The following MAF variants were observed in gnomAD, a reference collection of about 807,000 sequenced individuals.
MAF encodes MAF bZIP transcription factor, also known as transcription factor Maf.
MAF carries 10 observed loss-of-function variants against 22.0 expected under a neutral mutation model. The observed-to-expected ratio is 0.45, with a 90% confidence interval of 0.28 to 0.77. The LOEUF is 0.77. Among genes scored for constraint, MAF ranks in the 30% least tolerant of loss-of-function variants. The probability of loss-of-function intolerance (pLI) is 0.12; values close to 1 mark genes in which losing one functional copy is unlikely to be tolerated. For synonymous variants in MAF, 337 were observed against 255.8 expected (o/e 1.32, Z -3.03); for missense variants, 544 against 548.4 (o/e 0.99, Z 0.08).
chr16:79,341,021 C>G, the MAF span, among the ~76,000 whole-genome samples: 1 of 152,118 alleles, frequency 6.6e-6, no homozygotes, highest in Non-Finnish European at 1.5e-5. Flanking sequence ...TGGAGAAGAG[C>G]CTTCCAGGCA....
chr16:79,446,789 G>C, the MAF span, among the ~76,000 whole-genome samples: 1 of 151,892 alleles, frequency 6.6e-6, no homozygotes, highest in East Asian at 1.9e-4. Context: ...AGCACCTCTA[G>C]TCCCAGCTAC....
At chr16:79,380,510 G>A in the MAF span, among the ~76,000 whole-genome samples, 1 of 152,168 alleles carries the variant, frequency 6.6e-6, no homozygotes, top group Admixed American at 6.5e-5. Context: ...GAAGGATTAA[G>A]TAATTTTCCC....
chr16:79,307,556 A>T, the MAF span, among the ~76,000 whole-genome samples: 2 of 152,360 alleles, frequency 1.3e-5, no homozygotes, highest in Admixed American at 1.3e-4. Flanking sequence ...ATGATGGGCG[A>T]TAAAATGAGA....
chr16:79,312,077 T>A, the MAF span, among the ~76,000 whole-genome samples: 1 of 152,140 alleles, frequency 6.6e-6, no homozygotes, highest in East Asian at 1.9e-4. Context: ...CTTCTCTGCC[T>A]CCTTCCCTCC....
chr16:79,328,305 G>C, the MAF span, among the ~76,000 whole-genome samples: 5 of 151,812 alleles, frequency 3.3e-5, no homozygotes, highest in South Asian at 2.1e-4. Context: ...AAAGAAATCA[G>C]GTTCTGCATT....
chr16:79,229,671 G>C, the MAF span, among the ~76,000 whole-genome samples: 1 of 152,028 alleles, frequency 6.6e-6, no homozygotes, highest in Non-Finnish European at 1.5e-5. Flanking sequence ...CAAGCCAGCA[G>C]GTGCTTGAGC....
At chr16:79,258,420 G>A in the MAF span, among the ~76,000 whole-genome samples, 1 of 152,222 alleles carries the variant, frequency 6.6e-6, no homozygotes, top group East Asian at 1.9e-4. Context: ...GACAAATGGA[G>A]CTGCATCAGC....
chr16:79,440,548 G>C, the MAF span, among the ~76,000 whole-genome samples: 6 of 152,066 alleles, frequency 3.9e-5, no homozygotes, highest in Non-Finnish European at 7.4e-5. Flanking sequence ...CGATTCTCCT[G>C]CCTCACTCTC....
At chr16:79,256,424 T>C in the MAF span, among the ~76,000 whole-genome samples, 2 of 152,150 alleles carry the variant, frequency 1.3e-5, no homozygotes, top group East Asian at 3.9e-4. Context: ...TCAGGTGAGT[T>C]AGCGGGTTCG....
the MAF span, among the ~76,000 whole-genome samples, chr16:79,499,030 C>A: frequency 3.3e-5 from 5 of 152,066 alleles, no homozygotes; most frequent in Admixed American, 6.6e-5. Context: ...GAAGCCCTCC[C>A]CAGATAGACA....
the MAF span, among the ~76,000 whole-genome samples, chr16:79,250,271 G>A: frequency 6.6e-6 from 1 of 152,202 alleles, no homozygotes; most frequent in Non-Finnish European, 1.5e-5. Flanking sequence ...TGCAAAGGAG[G>A]CCATCCAAAC....
chr16:79,507,127 T>C, the MAF span, among the ~76,000 whole-genome samples: 2 of 151,772 alleles, frequency 1.3e-5, no homozygotes, highest in African/African-American at 2.4e-5. Flanking sequence ...TTTTTTTTTT[T>C]TTTTGAGATG....
the MAF span, among the ~76,000 whole-genome samples, chr16:79,265,947 T>C: frequency 1.3e-5 from 2 of 152,232 alleles, no homozygotes; most frequent in East Asian, 3.8e-4. Flanking sequence ...ACAGCAGGGA[T>C]ATGTTGAACA....
the MAF span, among the ~76,000 whole-genome samples, chr16:79,405,546 G>A: frequency 1.3e-3 from 193 of 152,290 alleles, no homozygotes; most frequent in African/African-American, 4.5e-3. Flanking sequence ...GTCCCAGGGA[G>A]GAAAGCATGG....
At chr16:79,338,531 T>A in the MAF span, among the ~76,000 whole-genome samples, 2 of 152,150 alleles carry the variant, frequency 1.3e-5, no homozygotes, top group East Asian at 3.8e-4. Context: ...TGAGAACAAT[T>A]TTCAAGCCAA....
the MAF span, among the ~76,000 whole-genome samples, chr16:79,349,438 C>G: frequency 9.2e-5 from 14 of 152,220 alleles, no homozygotes; most frequent in African/African-American, 2.9e-4. Context: ...CCAAATACCC[C>G]TTCTCTCTTG....
the MAF span, among the ~76,000 whole-genome samples, chr16:79,462,408 T>C: frequency 6.6e-6 from 1 of 152,194 alleles, no homozygotes; most frequent in Non-Finnish European, 1.5e-5. Flanking sequence ...TCAATATGAA[T>C]GACTACAGCA....
the MAF span, among the ~76,000 whole-genome samples, chr16:79,233,323 T>C: frequency 1.3e-5 from 2 of 151,992 alleles, no homozygotes; most frequent in East Asian, 3.9e-4. Flanking sequence ...AAATGTGCTA[T>C]GTTAGCCCTA....
chr16:79,498,354 T>C, the MAF span, among the ~76,000 whole-genome samples: 5 of 152,194 alleles, frequency 3.3e-5, no homozygotes, highest in Admixed American at 3.3e-4. Flanking sequence ...ACACCTTACT[T>C]ATGGGCACTA....
Sources: allele counts gnomAD v4.1 joint callset (sites outside exome capture counted in the v4.1 genomes callset), GRCh38; gene constraint gnomAD v4.1.1; transcripts MANE v1.5; gene names NCBI Gene and HGNC (gene_info 2026-07-23, HGNC 2026-07-21).